The following VDAC1 variants were observed in gnomAD, a reference collection of about 807,000 sequenced individuals.
VDAC1 encodes non-selective voltage-gated ion channel VDAC1.
In VDAC1, 10 loss-of-function variants were observed where a neutral mutation model predicts 34.7. The ratio of observed to expected loss-of-function variants is 0.29; its 90% CI spans 0.18 to 0.49. The LOEUF (loss-of-function observed/expected upper bound fraction) is 0.49, where lower values mean the gene tolerates loss of function less well. VDAC1 is among the 20% of genes least tolerant of loss of function. VDAC1 has a pLI of 0.99. For synonymous variants in VDAC1, 130 were observed against 136.0 expected (o/e 0.96, Z 0.30); for missense variants, 230 against 347.9 (o/e 0.66, Z 2.69).
At chr5:133,986,380 T>A (rs138910176) in intron 5 of VDAC1, among the ~76,000 whole-genome samples, 3 of 152,150 alleles carry the variant, frequency 2.0e-5, no homozygotes, top group African/African-American at 7.2e-5. Flanking sequence ...ATTATGTACA[T>A]CTAGCACCCA....
intron 2 of VDAC1, 122 bp downstream of exon 2, chr5:133,992,824 T>C: frequency 1.1e-6 from 1 of 929,548 alleles, no homozygotes; most frequent in Non-Finnish European, 1.6e-6. Flanking sequence ...GCTTCTTTTT[T>C]CCCTCACGTG....
At chr5:133,978,135 T>G (rs1311457116) in intron 6 of VDAC1, among the ~76,000 whole-genome samples, 1 of 151,848 alleles carries the variant, frequency 6.6e-6, no homozygotes, top group Non-Finnish European at 1.5e-5. Flanking sequence ...CACAAGACAC[T>G]CTCCCTAAAT....
At chr5:134,015,747 C>T in the VDAC1 span, among the ~76,000 whole-genome samples, 6 of 151,846 alleles carry the variant, frequency 4.0e-5, no homozygotes, top group Admixed American at 3.9e-4. Context: ...CGGGTTCAAG[C>T]GATTCTCCTG....
upstream of VDAC1, among the ~76,000 whole-genome samples, chr5:134,009,330 A>ACTG (rs1338011058): frequency 7.7e-6 from 1 of 130,204 alleles, no homozygotes; most frequent in Non-Finnish European, 1.5e-5. Flanking sequence ...ATCTTGGCTC[A>ACTG]CTGCAACCTC....
chr5:134,030,063 G>A, the VDAC1 span, among the ~76,000 whole-genome samples: 39 of 152,242 alleles, frequency 2.6e-4, no homozygotes, highest in South Asian at 6.2e-4. Context: ...GAAAAAGGCC[G>A]GGCACGGTGG....
intron 1 of VDAC1, among the ~76,000 whole-genome samples, chr5:133,999,424 T>A (rs1753453372): frequency 6.6e-6 from 1 of 152,204 alleles, no homozygotes; most frequent in Non-Finnish European, 1.5e-5. Flanking sequence ...CTACACTGGA[T>A]ACTCTGTCTG....
the VDAC1 span, among the ~76,000 whole-genome samples, chr5:134,101,398 C>T: frequency 4.6e-5 from 7 of 151,982 alleles, no homozygotes; most frequent in African/African-American, 7.3e-5. Flanking sequence ...GAGACCAGCC[C>T]GGCCAACATG....
chr5:134,067,765 C>T, the VDAC1 span, among the ~76,000 whole-genome samples: 3 of 152,022 alleles, frequency 2.0e-5, no homozygotes, highest in Non-Finnish European at 4.4e-5. Context: ...ACTTCCCTAG[C>T]TTCATGATCA....
the VDAC1 span, among the ~76,000 whole-genome samples, chr5:134,030,169 T>C: frequency 6.6e-6 from 1 of 151,964 alleles, no homozygotes; most frequent in South Asian, 2.1e-4. Context: ...GGAGAAACCC[T>C]ATCTCTACTA....
At chr5:134,047,997 C>G in the VDAC1 span, among the ~76,000 whole-genome samples, 2 of 150,908 alleles carry the variant, frequency 1.3e-5, no homozygotes, top group Non-Finnish European at 3.0e-5. Flanking sequence ...CCAGCCTGGG[C>G]AACAGAGTGA....
chr5:133,999,938 G>C (rs565758882), intron 1 of VDAC1, among the ~76,000 whole-genome samples: 15 of 152,108 alleles, frequency 9.9e-5, no homozygotes, highest in African/African-American at 3.6e-4. Context: ...GGTTTGTCAG[G>C]GCAGAACTAG....
intron 3 of VDAC1, 50 bp downstream of exon 3, chr5:133,992,256 A>T (rs1753132497): frequency 7.8e-7 from 1 of 1,288,842 alleles, no homozygotes. Context: ...TAAATAAAAT[A>T]AAATAAAAAT....
the VDAC1 span, among the ~76,000 whole-genome samples, chr5:134,060,196 T>C: frequency 6.6e-6 from 1 of 151,868 alleles, no homozygotes; most frequent in African/African-American, 2.4e-5. Flanking sequence ...CTTTGTGCCA[T>C]TTCTTAGGAA....
the VDAC1 span, among the ~76,000 whole-genome samples, chr5:134,063,552 T>C: frequency 6.6e-6 from 1 of 152,348 alleles, no homozygotes; most frequent in Non-Finnish European, 1.5e-5. Context: ...GGGCTTGCTG[T>C]ATTTTGCTGC....
chr5:134,053,715 G>A, the VDAC1 span, among the ~76,000 whole-genome samples: 5 of 152,180 alleles, frequency 3.3e-5, no homozygotes, highest in African/African-American at 1.2e-4. Context: ...GCATCTCTGT[G>A]CTACCCAGTC....
chr5:134,065,337 A>ATTTT, the VDAC1 span, among the ~76,000 whole-genome samples: 5 of 101,380 alleles, frequency 4.9e-5, no homozygotes, highest in Admixed American at 1.1e-4. Flanking sequence ...TTTAATTTTA[A>ATTTT]TTTTTTTTTT....
chr5:134,064,021 A>C, the VDAC1 span, among the ~76,000 whole-genome samples: 1 of 88,404 alleles, frequency 1.1e-5, no homozygotes, highest in African/African-American at 4.7e-5. Context: ...TTTTTTTTTT[A>C]GAGACAGGTT....
At chr5:133,981,764 C>T (rs927137617) in intron 5 of VDAC1, among the ~76,000 whole-genome samples, 2 of 152,200 alleles carry the variant, frequency 1.3e-5, no homozygotes, top group African/African-American at 4.8e-5. Context: ...AACAAGATCA[C>T]ATCCAACAAA....
chr5:134,025,919 G>A, the VDAC1 span, among the ~76,000 whole-genome samples: 1 of 152,180 alleles, frequency 6.6e-6, no homozygotes, highest in African/African-American at 2.4e-5. Flanking sequence ...TGGGTTGGAG[G>A]AGGGGCAGGT....
Sources: gnomAD v4.1 joint callset for allele counts (sites outside exome capture counted in the v4.1 genomes callset) on GRCh38, gnomAD v4.1.1 for gene constraint, MANE v1.5 for transcripts, NCBI Gene and HGNC (gene_info 2026-07-23, HGNC 2026-07-21) for gene names.